The following ACOT7 variants were observed in gnomAD, a reference collection of about 807,000 sequenced individuals.
ACOT7 encodes acyl-CoA thioesterase 7, also known as cytosolic acyl coenzyme A thioester hydrolase.
ACOT7 carries 12 observed loss-of-function variants against 40.2 expected under a neutral mutation model. That is an observed-to-expected ratio of 0.30 (90% CI 0.19 to 0.48). The LOEUF is 0.48. ACOT7 is among the 20% of genes least tolerant of loss of function. The pLI is 0.99. For synonymous variants in ACOT7, 228 were observed against 219.5 expected, an observed-to-expected ratio of 1.04 and a Z score of -0.34; for missense variants, 395 against 530.8, an observed-to-expected ratio of 0.74 and a Z score of 2.51.
chr1:6,358,452 C>T lies in ACOT7; in HGVS notation c.144-8586G>A, dbSNP rs546789778. ...ACCGCAGGTAGGAAGCTCAGCAGCG[C>T]TGGGAAACCGCAGTGAACCCAGCCC... is the stretch of plus-strand genomic sequence containing the variant. On this transcript the variant is annotated intron_variant, in intron 1 of 8. Coordinates refer to ENST00000361521, the MANE Select transcript of ACOT7 (RefSeq NM_007274.4). This position sits in a 1 kb window ranked among gnomAD's most constrained non-coding sequence, Gnocchi z 4.1. Among the ~76,000 whole-genome samples the T allele has an allele frequency of 6.6e-6, 1 of 152,326 alleles. No homozygotes were observed. Among genetic ancestry groups the T allele is most frequent in the South Asian group, 2.1e-4 (1 of 4,834 alleles).
chr1:6,336,333 C>CAAA (rs3029068), intron 3 of ACOT7, among the ~76,000 whole-genome samples: 621 of 52,734 alleles, frequency 0.012, 14 homozygotes, highest in South Asian at 0.028. Flanking sequence ...GACTCGGTCT[C>CAAA]AAAAAAAAAA....
At chr1:6,379,052 C>T (rs1484515448) in intron 1 of ACOT7, among the ~76,000 whole-genome samples, 2 of 151,812 alleles carry the variant, frequency 1.3e-5, no homozygotes, top group Non-Finnish European at 2.9e-5. Flanking sequence ...CCCGCCATCA[C>T]GCCTGGCTAA....
At chr1:6,373,805 C>G (rs2148475217) in intron 1 of ACOT7, among the ~76,000 whole-genome samples, 1 of 150,800 alleles carries the variant, frequency 6.6e-6, no homozygotes, top group African/African-American at 2.4e-5. Context: ...GGAGAGGTTG[C>G]AGTGAGCCGA....
At chr1:6,317,722 GTCTT>G (rs1205428086) in intron 6 of ACOT7, among the ~76,000 whole-genome samples, 4 of 147,366 alleles carry the variant, frequency 2.7e-5, no homozygotes, top group South Asian at 2.1e-4. Flanking sequence ...GGGTGCCAGA[GTCTT>G]TCTTTTTTTT....
Position 6,264,580 on chromosome 1 carries a change from T to A in ACOT7, c.*17A>T, listed in dbSNP as rs754422805. The A allele has an allele frequency of 1.1e-5, 18 of 1,606,574 alleles. No homozygotes were observed. The South Asian group carries it at 2.0e-4, about 18-fold the overall frequency. ...TTGCCATGGCTACTCGAGGCACCAGTGGCAGGAGGAGGGAGTCTAGGGCTG... is the reference window on the plus strand; with the variant it reads ...TTGCCATGGCTACTCGAGGCACCAGAGGCAGGAGGAGGGAGTCTAGGGCTG... On this transcript the variant is annotated 3_prime_UTR_variant, in exon 9 of 9. Coordinates refer to ENST00000361521, the MANE Select transcript of ACOT7 (RefSeq NM_007274.4).
chr1:6,322,637 C>T (rs764485111), intron 5 of ACOT7, among the ~76,000 whole-genome samples: 6 of 152,248 alleles, frequency 3.9e-5, no homozygotes, highest in Non-Finnish European at 8.8e-5. Flanking sequence ...GGTTGTTCCT[C>T]TGTGTGTGTC....
intron 1 of ACOT7, among the ~76,000 whole-genome samples, chr1:6,372,260 A>G (rs1642145678): frequency 6.6e-6 from 1 of 152,160 alleles, no homozygotes; most frequent in South Asian, 2.1e-4. Flanking sequence ...CAGCCTTCAT[A>G]GAATTGAAGA....
rs1211219326 is a variant in ACOT7, at chr1:6,292,010, C to T, written c.829+2854G>A. Among the ~76,000 whole-genome samples the T allele has an allele frequency of 2.6e-5, 4 of 152,214 alleles. No homozygotes were observed. In the South Asian group the frequency reaches 6.2e-4, roughly 24 times the overall value. ...GGCCCCACTCGGCCAGCACAGCCCT[C>T]GCCTCCCTGCAAAGGACCTGGCAGG... is the stretch of plus-strand genomic sequence containing the variant. On this transcript the variant is annotated intron_variant, in intron 7 of 8. Transcript: ENST00000361521.
intron 1 of ACOT7, among the ~76,000 whole-genome samples, chr1:6,370,454 T>TTAG (rs1402854120): frequency 4.8e-4 from 68 of 142,460 alleles, no homozygotes; most frequent in East Asian, 3.5e-3. Flanking sequence ...ATGAGCAGTG[T>TTAG]TAGTATTATT....
Position 6,343,640 on chromosome 1 carries a change from G to T in ACOT7, c.262-4051C>A, listed in dbSNP as rs72858358. On this transcript the variant is annotated intron_variant, in intron 2 of 8. Coordinates refer to ENST00000361521, the MANE Select transcript of ACOT7 (RefSeq NM_007274.4). ...ATTGGCCAAAGGCTGTTAGGGCAGGGCTGCACAGAGCCAGGCAAGAATTAG... is the reference window on the plus strand; with the variant it reads ...ATTGGCCAAAGGCTGTTAGGGCAGGTCTGCACAGAGCCAGGCAAGAATTAG... Among the ~76,000 whole-genome samples, 500 of 152,398 alleles carry T rather than the reference G, an allele frequency of 3.3e-3. 1 individual carries two copies. The highest frequency in any genetic ancestry group is 0.011 in the African/African-American group (471 of 41,602).
At chr1:6,339,286 T>C in intron 3 of ACOT7, 147 bp downstream of exon 3, 1 of 1,142,576 alleles carries the variant, frequency 8.8e-7, no homozygotes, top group Non-Finnish European at 1.2e-6. Flanking sequence ...TGGACATAGC[T>C]GCTCCCAGGG....
intron 4 of ACOT7, 117 bp downstream of exon 4, chr1:6,333,360 C>G (rs1641012478): frequency 8.4e-7 from 1 of 1,184,862 alleles, no homozygotes; most frequent in Non-Finnish European, 1.2e-6. Context: ...CCCCTGTGCC[C>G]TAGCTCTGGC....
chr1:6,317,560 T>C (rs1287472830), intron 6 of ACOT7, among the ~76,000 whole-genome samples: 1 of 152,170 alleles, frequency 6.6e-6, no homozygotes, highest in Non-Finnish European at 1.5e-5. Flanking sequence ...TGAGTCACGA[T>C]GCTAGTCTTT....
chr1:6,346,888 C>T (rs1023421283), intron 2 of ACOT7, among the ~76,000 whole-genome samples: 4 of 152,178 alleles, frequency 2.6e-5, no homozygotes, highest in African/African-American at 9.7e-5. Context: ...CTGACAGAGG[C>T]TCCAGGCTTT....
Position 6,378,715 on chromosome 1 carries a change from T to C in ACOT7, c.143+14542A>G, listed in dbSNP as rs1193148825. Among the ~76,000 whole-genome samples, 3 of 151,594 alleles carry C rather than the reference T, an allele frequency of 2.0e-5. 1 individual carries two copies. Among genetic ancestry groups the C allele is most frequent in the Non-Finnish European group, 4.4e-5 (3 of 67,826 alleles). On this transcript the variant is annotated intron_variant, in intron 1 of 8. Coordinates refer to ENST00000361521, the MANE Select transcript of ACOT7 (RefSeq NM_007274.4). ...GACAGCGAGAGCCTATCATGTGCCA[T>C]GGGACAGGCAAAAGCCACAGATGAA...
At chr1:6,341,827 C>A (rs1409847493) in intron 2 of ACOT7, among the ~76,000 whole-genome samples, 1 of 152,184 alleles carries the variant, frequency 6.6e-6, no homozygotes, top group Non-Finnish European at 1.5e-5. Context: ...AACAAAAAAG[C>A]CTATGGTGCT....
At chr1:6,287,370 T>C (rs1031580402) in intron 7 of ACOT7, among the ~76,000 whole-genome samples, 7 of 152,250 alleles carry the variant, frequency 4.6e-5, no homozygotes, top group African/African-American at 1.7e-4. Flanking sequence ...ACCAGCTCCA[T>C]GGCTGTGAAC....
Position 6,330,427 on chromosome 1 carries a change from A to G in ACOT7, c.511-3014T>C, listed in dbSNP as rs1251619442. Among the ~76,000 whole-genome samples the G allele has an allele frequency of 6.6e-6, 1 of 152,066 alleles. No individual in the cohort carries two copies. Among genetic ancestry groups the G allele is most frequent in the Non-Finnish European group, 1.5e-5 (1 of 68,022 alleles). ...CGTGGGCCTAGCGTGTGTTGGGGGG[A>G]AGATGGTGCAAAGAGCTCTGAACAA... On this transcript the variant is annotated intron_variant, in intron 4 of 8. Coordinates refer to ENST00000361521, the MANE Select transcript of ACOT7 (RefSeq NM_007274.4). The surrounding 1 kb of genome is among the most constrained non-coding windows in gnomAD (Gnocchi z 4.6).
chr1:6,307,898 C>T (rs1261990055), intron 6 of ACOT7, among the ~76,000 whole-genome samples: 1 of 149,088 alleles, frequency 6.7e-6, no homozygotes, highest in Non-Finnish European at 1.5e-5. Flanking sequence ...ACAGAGGGAA[C>T]TACAACTGGG....
Sources: gnomAD v4.1 joint callset for allele counts (sites outside exome capture counted in the v4.1 genomes callset) on GRCh38, gnomAD v4.1.1 for gene constraint, Gnocchi (gnomAD v3.1) non-coding constraint, MANE v1.5 for transcripts, NCBI Gene and HGNC (gene_info 2026-07-23, HGNC 2026-07-21) for gene names.